PRKCH: variants seen among roughly 807,000 people sequenced by gnomAD.
PRKCH encodes the protein protein kinase C eta type.
In PRKCH, 28 loss-of-function variants were observed where a neutral mutation model predicts 82.5. That is an observed-to-expected ratio of 0.34 (90% CI 0.25 to 0.47). The LOEUF (loss-of-function observed/expected upper bound fraction) is 0.47. Ranked by LOEUF, PRKCH falls within the 20% of genes least tolerant of loss-of-function variation. The pLI is 1.00. For synonymous variants in PRKCH, 322 were observed against 327.4 expected, an observed-to-expected ratio of 0.98 and a Z score of 0.18; for missense variants, 705 against 881.8, an observed-to-expected ratio of 0.80 and a Z score of 2.54.
intron 1 of PRKCH, among the ~76,000 whole-genome samples, chr14:61,191,842 AATCCCCAAAT>A (rs2044408612): frequency 6.6e-6 from 1 of 152,138 alleles, no homozygotes; most frequent in African/African-American, 2.4e-5. Flanking sequence ...GTTTTGATCA[AATCCCCAAAT>A]AAACTTTTTC....
chr14:61,352,734 G>GAAAGAAAGAAAA (rs1555378129), intron 1 of PRKCH, among the ~76,000 whole-genome samples: 1 of 148,286 alleles, frequency 6.7e-6, no homozygotes, highest in Non-Finnish European at 1.5e-5. Context: ...AAGAAAGAAA[G>GAAAGAAAGAAAA]AAAGAAAGAT....
Position 61,371,123 on chromosome 14 carries a change from G to A in PRKCH, c.364-20102G>A, listed in dbSNP as rs548315317. Among the ~76,000 whole-genome samples, 11 of 152,124 alleles carry A rather than the reference G, an allele frequency of 7.2e-5. No homozygotes were observed. The East Asian group carries it at 1.7e-3, about 24-fold the overall frequency. ...TCTTTAAGAGTTACCTGGATTTAGG[G>A]CTCAGTGAAGGCAGTTTTTATTTAA... On this transcript the variant is annotated intron_variant, in intron 1 of 13. Transcript: ENST00000332981.
intron 2 of PRKCH, among the ~76,000 whole-genome samples, chr14:61,420,523 C>T (rs1388170952): frequency 6.6e-6 from 1 of 152,210 alleles, no homozygotes; most frequent in Admixed American, 6.5e-5. Context: ...CCCCGGCAGA[C>T]TCATCCTAAC....
chr14:61,446,806 T>C (rs1022390683), intron 4 of PRKCH, among the ~76,000 whole-genome samples: 1 of 152,274 alleles, frequency 6.6e-6, no homozygotes, highest in African/African-American at 2.4e-5. Context: ...GCCCATCTTA[T>C]GCACACCAAG....
At chr14:61,394,925 G>T (rs2046750362) in intron 2 of PRKCH, among the ~76,000 whole-genome samples, 1 of 152,146 alleles carries the variant, frequency 6.6e-6, no homozygotes, top group Admixed American at 6.5e-5. Context: ...AGAAAGAGTT[G>T]CTGATAAGGA....
intron 9 of PRKCH, among the ~76,000 whole-genome samples, chr14:61,481,700 A>C (rs1241312285): frequency 2.0e-5 from 3 of 152,238 alleles, no homozygotes; most frequent in Admixed American, 6.5e-5. Flanking sequence ...ATCCCACAAC[A>C]AAAAACTGAC....
chr14:61,279,273 A>T (rs1473127469), intron 1 of PRKCH: 1 of 152,244 alleles, frequency 6.6e-6, no homozygotes, highest in Admixed American at 6.5e-5. Context: ...CCCAGATAGT[A>T]ATTTTTTAAA....
Position 61,354,846 on chromosome 14 carries a change from A to G in PRKCH, c.363+32382A>G, listed in dbSNP as rs548938701. Among the ~76,000 whole-genome samples the G allele has an allele frequency of 6.6e-5, 10 of 152,358 alleles. No individual in the cohort carries two copies. The South Asian group carries it at 2.1e-3, about 32-fold the overall frequency. On this transcript the variant is annotated intron_variant, in intron 1 of 13. Transcript: ENST00000332981. ...TCATTTTTGCCTTCCTCATTAGACTATTAAACAGTAAACTCTGAGAACAGG... is the reference window on the plus strand; with the variant it reads ...TCATTTTTGCCTTCCTCATTAGACTGTTAAACAGTAAACTCTGAGAACAGG...
intron 1 of PRKCH, among the ~76,000 whole-genome samples, chr14:61,324,460 TG>T (rs1298535047): frequency 4.6e-5 from 7 of 152,184 alleles, no homozygotes; most frequent in East Asian, 1.9e-4. Flanking sequence ...TTTTTTTTGT[TG>T]TTTTTTTTAA....
intron 10 of PRKCH, among the ~76,000 whole-genome samples, chr14:61,502,778 G>T (rs1310535969): frequency 6.6e-6 from 1 of 152,042 alleles, no homozygotes; most frequent in Non-Finnish European, 1.5e-5. Context: ...AGCAAGAGGG[G>T]GTATTCAGTC....
chr14:61,440,282 T>C (rs1397485407), intron 2 of PRKCH, among the ~76,000 whole-genome samples: 2 of 152,230 alleles, frequency 1.3e-5, no homozygotes, highest in Non-Finnish European at 2.9e-5. Context: ...CCGCAGTCCT[T>C]AGAACCTGTC....
At chr14:61,547,394 C>A (rs574340151) in intron 12 of PRKCH, among the ~76,000 whole-genome samples, 28 of 152,190 alleles carry the variant, frequency 1.8e-4, no homozygotes, top group Non-Finnish European at 3.8e-4. Flanking sequence ...TGTCTGCTGC[C>A]CACAACTGCA....
intron 2 of PRKCH, among the ~76,000 whole-genome samples, chr14:61,419,237 A>G (rs1423563968): frequency 6.6e-6 from 1 of 152,248 alleles, no homozygotes; most frequent in East Asian, 1.9e-4. Context: ...AAAGAGTATC[A>G]CTTTGTTGAA....
At chr14:61,544,167 T>A (rs2043224348) in intron 12 of PRKCH, 1 of 152,158 alleles carries the variant, frequency 6.6e-6, no homozygotes, top group Non-Finnish European at 1.5e-5. Flanking sequence ...GCCATGAAAG[T>A]CCGTGAGTGA....
intron 1 of PRKCH, among the ~76,000 whole-genome samples, chr14:61,198,947 G>A (rs2044460052): frequency 6.6e-6 from 1 of 152,270 alleles, no homozygotes; most frequent in Admixed American, 6.5e-5. Context: ...GACAAACTGG[G>A]ATAAGGTTGA....
chr14:61,351,072 A>G (rs2046067950), intron 1 of PRKCH, among the ~76,000 whole-genome samples: 1 of 152,186 alleles, frequency 6.6e-6, no homozygotes, highest in Non-Finnish European at 1.5e-5. Context: ...TTAATCTATC[A>G]ATCATTTCAT....
chr14:61,366,807 C>T lies in PRKCH; in HGVS notation c.364-24418C>T, dbSNP rs968743817. 2.6e-5 allele frequency among the ~76,000 whole-genome samples: 4 copies of T among 152,128 alleles called. No individual in the cohort carries two copies. The East Asian group carries it at 5.8e-4, about 22-fold the overall frequency. Reference sequence around the variant, plus strand: ...GCTTCAGTGGCCAGAGGCTTCAAGGCATTCAGGGCTCTGGGGGCTCTTATT... The same window carrying T: ...GCTTCAGTGGCCAGAGGCTTCAAGGTATTCAGGGCTCTGGGGGCTCTTATT... On this transcript the variant is annotated intron_variant, in intron 1 of 13. Coordinates refer to ENST00000332981, the MANE Select transcript of PRKCH (RefSeq NM_006255.5).
At chr14:61,198,589 G>A (rs185878886) in intron 1 of PRKCH, among the ~76,000 whole-genome samples, 24 of 152,262 alleles carry the variant, frequency 1.6e-4, no homozygotes, top group African/African-American at 5.1e-4. Flanking sequence ...CACAGTTAGC[G>A]TGTGGGCAGA....
intron 10 of PRKCH, among the ~76,000 whole-genome samples, chr14:61,506,712 T>G (rs1017429760): frequency 8.5e-5 from 13 of 152,188 alleles, no homozygotes; most frequent in African/African-American, 3.1e-4. Context: ...CTATGGTCAC[T>G]GGCTCTTCTT....
Sources: allele counts gnomAD v4.1 joint callset (sites outside exome capture counted in the v4.1 genomes callset), GRCh38; gene constraint gnomAD v4.1.1; transcripts MANE v1.5; gene names NCBI Gene and HGNC (gene_info 2026-07-23, HGNC 2026-07-21).